Variants in GRM8 observed in about 807,000 individuals in gnomAD.
GRM8 encodes glutamate metabotropic receptor 8.
A neutral mutation model predicts 87.2 loss-of-function variants in GRM8; 47 were observed. The ratio of observed to expected loss-of-function variants is 0.54; its 90% CI spans 0.43 to 0.69. The LOEUF (loss-of-function observed/expected upper bound fraction) is 0.69. GRM8 is among the 30% of genes least tolerant of loss of function. The pLI is 0.00. For synonymous variants in GRM8, 396 were observed against 404.5 expected (o/e 0.98, Z 0.25); for missense variants, 1,019 against 1,139.2 (o/e 0.89, Z 1.52).
At chr7:126,810,495 T>C (rs938246701) in intron 6 of GRM8, among the ~76,000 whole-genome samples, 4 of 152,162 alleles carry the variant, frequency 2.6e-5, no homozygotes, top group Non-Finnish European at 4.4e-5. Context: ...GCAAAAATTG[T>C]CAATGCTTCT....
At chr7:126,970,020 G>A (rs748121041) in intron 3 of GRM8, among the ~76,000 whole-genome samples, 2 of 152,006 alleles carry the variant, frequency 1.3e-5, no homozygotes, top group Non-Finnish European at 2.9e-5. Flanking sequence ...TGAGCAGCAG[G>A]TCTTAAGAGT....
chr7:126,744,813 A>T (rs1302032852), intron 7 of GRM8, among the ~76,000 whole-genome samples: 1 of 151,998 alleles, frequency 6.6e-6, no homozygotes, highest in Non-Finnish European at 1.5e-5. Flanking sequence ...GATTGAATGC[A>T]GTGGAAGATA....
chr7:126,874,157 T>C (rs1419428828), intron 6 of GRM8, among the ~76,000 whole-genome samples: 3 of 152,072 alleles, frequency 2.0e-5, no homozygotes, highest in Non-Finnish European at 4.4e-5. Context: ...ATTCTTCACC[T>C]GGATACCCAT....
At chr7:127,009,141 G>A (rs896976564) in intron 3 of GRM8, among the ~76,000 whole-genome samples, 5 of 151,830 alleles carry the variant, frequency 3.3e-5, no homozygotes, top group Admixed American at 2.6e-4. Flanking sequence ...GTGGGGGCTT[G>A]ACTAAATTAA....
intron 2 of GRM8, among the ~76,000 whole-genome samples, chr7:127,164,395 G>A (rs1282732564): frequency 1.3e-5 from 2 of 152,086 alleles, no homozygotes; most frequent in Non-Finnish European, 2.9e-5. Flanking sequence ...ATTTTGCCTG[G>A]AGTTAGCCCT....
chr7:126,677,069 A>T (rs1274847302), intron 7 of GRM8, among the ~76,000 whole-genome samples: 1 of 152,224 alleles, frequency 6.6e-6, no homozygotes, highest in Admixed American at 6.5e-5. Context: ...TGAAAAGAAG[A>T]TACACAAATG....
intron 2 of GRM8, among the ~76,000 whole-genome samples, chr7:127,124,661 C>A (rs1368193846): frequency 6.6e-6 from 1 of 152,060 alleles, no homozygotes; most frequent in Non-Finnish European, 1.5e-5. Flanking sequence ...AACCTACTAC[C>A]AATTGGATAA....
chr7:127,218,974 T>C (rs1022064617), intron 2 of GRM8, among the ~76,000 whole-genome samples: 4 of 152,172 alleles, frequency 2.6e-5, no homozygotes, highest in African/African-American at 9.7e-5. Context: ...TCAAAATAGT[T>C]TGTCTTTATA....
At chr7:126,518,899 A>G (rs1340040417) in intron 9 of GRM8, among the ~76,000 whole-genome samples, 1 of 152,068 alleles carries the variant, frequency 6.6e-6, no homozygotes, top group Admixed American at 6.6e-5. Flanking sequence ...TTCAGAGAAG[A>G]TAACTTCCTT....
intron 7 of GRM8, among the ~76,000 whole-genome samples, chr7:126,663,926 T>C (rs1216660976): frequency 6.6e-6 from 1 of 152,216 alleles, no homozygotes; most frequent in East Asian, 1.9e-4. Context: ...CCTATTCTGA[T>C]AAATGACTTT....
intron 3 of GRM8, among the ~76,000 whole-genome samples, chr7:127,100,784 G>A (rs1587003658): frequency 6.6e-6 from 1 of 152,054 alleles, no homozygotes; most frequent in African/African-American, 2.4e-5. Flanking sequence ...TGACACACGG[G>A]GATTATTATA....
intron 7 of GRM8, among the ~76,000 whole-genome samples, chr7:126,628,474 A>G (rs1304128080): frequency 1.3e-5 from 2 of 152,246 alleles, no homozygotes; most frequent in Non-Finnish European, 2.9e-5. Flanking sequence ...CAATCATGGT[A>G]TATGGTAAAT....
intron 2 of GRM8, among the ~76,000 whole-genome samples, chr7:127,159,283 A>G (rs529326793): frequency 5.3e-5 from 8 of 152,348 alleles, no homozygotes; most frequent in African/African-American, 1.9e-4. Flanking sequence ...TGATAATAAG[A>G]TGCAAGGTAA....
At position 126,497,736 on chromosome 7, in the gene GRM8, C is replaced by T. The variant is rs114122111; in HGVS notation, c.2430+35216G>A. 7.5e-3 allele frequency among the ~76,000 whole-genome samples: 1,137 copies of T among 152,038 alleles called. 13 individuals are homozygous for T. Among genetic ancestry groups the T allele is most frequent in the African/African-American group, 0.026 (1,084 of 41,518 alleles). On this transcript the variant is annotated intron_variant, in intron 9 of 10. Transcript: ENST00000339582. ...GTAAAACTTAAGGGCTGCATTGCAA[C>T]GTTGGGTTAAACCCGTATGTACTGA...
At position 126,488,906 on chromosome 7, in the gene GRM8, G is replaced by A. The variant is rs1807678103; in HGVS notation, c.2431-42534C>T. 4.0e-5 allele frequency among the ~76,000 whole-genome samples: 6 copies of A among 151,620 alleles called. No individual in the cohort carries two copies. In the South Asian group the frequency reaches 1.3e-3, roughly 32 times the overall value. On this transcript the variant is annotated intron_variant, in intron 9 of 10. Coordinates refer to ENST00000339582, the MANE Select transcript of GRM8 (RefSeq NM_000845.3). The stretch of plus-strand genomic sequence containing the variant: ...CATGTGCCCCTATTGTATTTGTAGG[G>A]AAAACATTTAATATTATAAATTATG...
chr7:126,681,439 C>T (rs73226937), intron 7 of GRM8, among the ~76,000 whole-genome samples: 2,511 of 152,328 alleles, frequency 0.016, 44 homozygotes, highest in Admixed American at 0.032. Context: ...TTCCTCATGA[C>T]TCCAAAGCTA....
chr7:126,732,883 T>C (rs958115913), intron 7 of GRM8, among the ~76,000 whole-genome samples: 2 of 152,256 alleles, frequency 1.3e-5, no homozygotes, highest in African/African-American at 2.4e-5. Flanking sequence ...GCTAAATCAG[T>C]TATGTTTAGG....
chr7:126,500,624 TG>T (rs1234090519), intron 9 of GRM8, among the ~76,000 whole-genome samples: 1 of 151,968 alleles, frequency 6.6e-6, no homozygotes, highest in Non-Finnish European at 1.5e-5. Context: ...AAACAATGCA[TG>T]AAAAATATTC....
At chr7:126,582,925 A>G (rs984755122) in intron 8 of GRM8, among the ~76,000 whole-genome samples, 2 of 152,234 alleles carry the variant, frequency 1.3e-5, no homozygotes, top group Non-Finnish European at 1.5e-5. Flanking sequence ...GGTCTTTGAC[A>G]AGGTACTTAG....
Sources: allele counts gnomAD v4.1 joint callset (sites outside exome capture counted in the v4.1 genomes callset), GRCh38; gene constraint gnomAD v4.1.1; transcripts MANE v1.5; gene names NCBI Gene and HGNC (gene_info 2026-07-23, HGNC 2026-07-21).